KSR1: variants seen among roughly 807,000 people sequenced by gnomAD.
The protein encoded by KSR1 is kinase suppressor of ras 1, also known as kinase suppressor of ras.
In KSR1, 35 loss-of-function variants were observed where a neutral mutation model predicts 92.9. The ratio of observed to expected loss-of-function variants is 0.38; its 90% CI spans 0.29 to 0.50. KSR1 has a LOEUF of 0.50. KSR1 is among the 20% of genes least tolerant of loss of function. KSR1 has a pLI of 0.94. For synonymous variants in KSR1, 467 were observed against 472.6 expected (o/e 0.99, Z 0.15); for missense variants, 972 against 1,158.5 (o/e 0.84, Z 2.34).
rs1161457882 is a variant in KSR1 at position 27,522,879 on chromosome 17, G to C, written c.232-27689G>C. 3.3e-5 allele frequency among the ~76,000 whole-genome samples: 5 copies of C among 152,232 alleles called. No homozygotes were observed. The East Asian group carries it at 9.6e-4, about 29-fold the overall frequency. On this transcript the variant is annotated intron_variant, in intron 1 of 20. Transcript: ENST00000644974. ...CAGCAGCCAGACAACATTTTGGGGA[G>C]AGTAGCTCAGGGGATTCCTGTGTTT... is the stretch of plus-strand genomic sequence containing the variant.
At chr17:27,473,339 A>G (rs1267888029) in intron 1 of KSR1, among the ~76,000 whole-genome samples, 1 of 152,220 alleles carries the variant, frequency 6.6e-6, no homozygotes, top group African/African-American at 2.4e-5. Flanking sequence ...CTGGGTGGAA[A>G]TGGATTTGGC....
At chr17:27,618,527 G>A (rs2074125183) in intron 19 of KSR1, among the ~76,000 whole-genome samples, 2 of 152,318 alleles carry the variant, frequency 1.3e-5, no homozygotes, top group South Asian at 4.1e-4. Context: ...GGCCAAGAGG[G>A]CAACTCAAGT....
At chr17:27,602,960 G>C (rs904902602) in intron 11 of KSR1, among the ~76,000 whole-genome samples, 33 of 152,248 alleles carry the variant, frequency 2.2e-4, no homozygotes, top group African/African-American at 6.0e-4. Flanking sequence ...AGGTCTTTTG[G>C]CTGAGCGGGG....
chr17:27,589,968 C>G (rs1000921527), intron 6 of KSR1, among the ~76,000 whole-genome samples: 1 of 152,180 alleles, frequency 6.6e-6, no homozygotes, highest in African/African-American at 2.4e-5. Context: ...TACTCAAATA[C>G]TGCATATGTT....
intron 6 of KSR1, among the ~76,000 whole-genome samples, chr17:27,589,108 G>A (rs747001777): frequency 5.9e-5 from 9 of 152,156 alleles, no homozygotes; most frequent in East Asian, 1.9e-4. Context: ...GCAGTTTGGC[G>A]TCCCCTGCCA....
rs141724534 is a variant in KSR1 at position 27,606,890 on chromosome 17, G to A, written c.1995-1024G>A. Among the ~76,000 whole-genome samples, 19 of 152,214 alleles carry A rather than the reference G, an allele frequency of 1.2e-4. No individual in the cohort carries two copies. The East Asian group carries it at 3.7e-3, about 29-fold the overall frequency. On this transcript the variant is annotated intron_variant, in intron 14 of 20. Coordinates refer to ENST00000644974, the MANE Select transcript of KSR1 (RefSeq NM_001394583.1). ...TCTGTCACCCAGGCTGGAGTGCAGT[G>A]GCGTGTTCTTGGCTCACTGCAACCT... is the stretch of plus-strand genomic sequence containing the variant.
chr17:27,517,538 C>T (rs977142591), intron 1 of KSR1, among the ~76,000 whole-genome samples: 3 of 152,284 alleles, frequency 2.0e-5, no homozygotes, highest in African/African-American at 7.2e-5. Context: ...TCAAGCAATC[C>T]GCCCACCTTG....
At chr17:27,615,796 C>T (rs530781715) in intron 18 of KSR1, among the ~76,000 whole-genome samples, 1 of 152,310 alleles carries the variant, frequency 6.6e-6, no homozygotes, top group Non-Finnish European at 1.5e-5. Context: ...GAAAAAACTG[C>T]CTCCCAGTGG....
At chr17:27,601,811 G>A (rs368982925) in intron 11 of KSR1, 1 of 974,032 alleles carries the variant, frequency 1.0e-6, no homozygotes, top group Non-Finnish European at 1.6e-6. Flanking sequence ...TATGCACAAT[G>A]TCTTAGAGAA....
At chr17:27,611,879 T>A (rs1015822908) in intron 18 of KSR1, among the ~76,000 whole-genome samples, 2 of 152,166 alleles carry the variant, frequency 1.3e-5, no homozygotes, top group African/African-American at 4.8e-5. Context: ...CTTTTTTTTT[T>A]CTTAAAGATA....
chr17:27,588,394 G>A, intron 5 of KSR1, 81 bp from the exon 6 acceptor site: 5 of 1,269,112 alleles, frequency 3.9e-6, no homozygotes, highest in Non-Finnish European at 5.5e-6. Context: ...CTAGCCTGTG[G>A]TCTCTGAATT....
intron 1 of KSR1, among the ~76,000 whole-genome samples, chr17:27,461,407 G>A (rs536966042): frequency 6.6e-6 from 1 of 152,330 alleles, no homozygotes; most frequent in South Asian, 2.1e-4. Context: ...GAGTCTTGGG[G>A]ACTTCTCCCA....
rs9905586 is a variant in KSR1 at position 27,559,555 on chromosome 17, C to T, written c.372+8847C>T. ...AATTTTAATTTGAATAGACATCTGG[C>T]TATGACTGCATTGACCAGGGCCCTG... On this transcript the variant is annotated intron_variant, in intron 2 of 20. Coordinates refer to ENST00000644974, the MANE Select transcript of KSR1 (RefSeq NM_001394583.1). This position sits in a 1 kb window ranked among gnomAD's most constrained non-coding sequence, Gnocchi z 4.2. Among the ~76,000 whole-genome samples the T allele has an allele frequency of 0.013, 1,948 of 152,344 alleles. 38 individuals carry two copies. Among genetic ancestry groups the T allele is most frequent in the African/African-American group, 0.043 (1,807 of 41,582 alleles).
intron 1 of KSR1, among the ~76,000 whole-genome samples, chr17:27,510,621 G>A (rs1005675711): frequency 6.6e-6 from 1 of 152,166 alleles, no homozygotes; most frequent in African/African-American, 2.4e-5. Flanking sequence ...CAGTGCCATC[G>A]TCTGTGAAAT....
At chr17:27,543,298 A>G (rs2151071484) in intron 1 of KSR1, among the ~76,000 whole-genome samples, 2 of 152,332 alleles carry the variant, frequency 1.3e-5, no homozygotes, top group East Asian at 3.9e-4. Flanking sequence ...GCCCATGGGT[A>G]GGTTGCCTGG....
intron 13 of KSR1, 91 bp from the exon 14 acceptor site, chr17:27,605,343 C>G: frequency 6.7e-7 from 1 of 1,492,102 alleles, no homozygotes; most frequent in Non-Finnish European, 8.9e-7. Flanking sequence ...GCCTCTCTCC[C>G]CTGTTACCTG....
At chr17:27,501,014 A>G (rs2069157757) in intron 1 of KSR1, among the ~76,000 whole-genome samples, 1 of 152,204 alleles carries the variant, frequency 6.6e-6, no homozygotes, top group African/African-American at 2.4e-5. Context: ...TGTACCAGGC[A>G]TTGTGCTAGG....
chr17:27,456,463 G>C lies in KSR1; in HGVS notation c.-181G>C. ...CAGCCGTCGGGTCGCCGCGGCTTTC[G>C]CTTTGCTGCCGCGGCTGGGAGGGTG... is the stretch of plus-strand genomic sequence containing the variant. On this transcript the variant is annotated 5_prime_UTR_variant, in exon 1 of 21. Transcript: ENST00000644974. The C allele has an allele frequency of 2.6e-6, 1 of 382,040 alleles. No homozygotes were observed. The highest frequency in any genetic ancestry group is 4.6e-6 in the Non-Finnish European group (1 of 217,536). 23.7% of individuals were successfully genotyped at this position (382,040 alleles called of 1,614,324 possible).
chr17:27,620,425 T>C (rs773478659), intron 19 of KSR1, among the ~76,000 whole-genome samples: 7 of 152,254 alleles, frequency 4.6e-5, no homozygotes, highest in Admixed American at 6.5e-5. Flanking sequence ...CAGGACTCTT[T>C]CTTGTCACCT....
Sources: gnomAD v4.1 joint callset for allele counts (sites outside exome capture counted in the v4.1 genomes callset) on GRCh38, gnomAD v4.1.1 for gene constraint, Gnocchi (gnomAD v3.1) non-coding constraint, MANE v1.5 for transcripts, NCBI Gene and HGNC (gene_info 2026-07-23, HGNC 2026-07-21) for gene names.